Variants in SHISAL2A observed in about 807,000 individuals in gnomAD.
SHISAL2A encodes protein shisa-like-2A.
In SHISAL2A, 18 loss-of-function variants were observed where a neutral mutation model predicts 11.5. The observed-to-expected ratio is 1.57, with a 90% CI of 1.08 to 2.33. The LOEUF (loss-of-function observed/expected upper bound fraction) is 2.33. Ranked by LOEUF, SHISAL2A falls within the 30% of genes most tolerant of loss-of-function variation. The probability of loss-of-function intolerance (pLI) is 0.00; values close to 1 mark genes in which losing one functional copy is unlikely to be tolerated. For synonymous variants in SHISAL2A, 94 were observed against 99.6 expected (o/e 0.94, Z 0.34); for missense variants, 261 against 250.9 (o/e 1.04, Z -0.27).
intron 1 of SHISAL2A, among the ~76,000 whole-genome samples, chr1:52,634,804 C>G (rs1457794972): frequency 3.3e-5 from 5 of 152,162 alleles, no homozygotes; most frequent in Non-Finnish European, 5.9e-5. Flanking sequence ...GAAAACTTCT[C>G]AAGTCTCTGG....
intron 1 of SHISAL2A, among the ~76,000 whole-genome samples, chr1:52,641,894 A>C (rs552290087): frequency 1.3e-5 from 2 of 152,186 alleles, no homozygotes; most frequent in South Asian, 4.1e-4. Flanking sequence ...CTTGAGCTCA[A>C]GAATTTAAGA....
At chr1:52,643,096 T>C in intron 2 of SHISAL2A, 94 bp downstream of exon 2, 2 of 1,271,198 alleles carry the variant, frequency 1.6e-6, no homozygotes, top group Non-Finnish European at 2.2e-6. Context: ...AACATTTGCC[T>C]CATGACTATT....
At chr1:52,651,684 G>A (rs1052231998) in intron 2 of SHISAL2A, among the ~76,000 whole-genome samples, 2 of 152,136 alleles carry the variant, frequency 1.3e-5, no homozygotes, top group Admixed American at 1.3e-4. Flanking sequence ...TATTGCAAAG[G>A]TTTTACAGGG....
At chr1:52,667,422 A>G in exon 5 of SHISAL2A, 2 of 984,198 alleles carry the variant, frequency 2.0e-6, no homozygotes, top group Non-Finnish European at 2.4e-6. Context: ...TCCTGGCAAC[A>G]ACCACAATTG....
At chr1:52,639,718 A>T (rs907989558) in intron 1 of SHISAL2A, among the ~76,000 whole-genome samples, 1 of 152,128 alleles carries the variant, frequency 6.6e-6, no homozygotes, top group Non-Finnish European at 1.5e-5. Flanking sequence ...GCACCACTGC[A>T]CTCCAGCCGG....
chr1:52,668,062 C>A (rs773965007), intron 5 of SHISAL2A, among the ~76,000 whole-genome samples: 2 of 152,138 alleles, frequency 1.3e-5, no homozygotes, highest in Non-Finnish European at 2.9e-5. Context: ...AGAAGAAAGG[C>A]CATGGCAGCA....
At chr1:52,666,838 A>G (rs766991311) in intron 4 of SHISAL2A, among the ~76,000 whole-genome samples, 3 of 152,194 alleles carry the variant, frequency 2.0e-5, no homozygotes, top group African/African-American at 7.2e-5. Context: ...GGCACGGCCA[A>G]AGTCCTGCCA....
chr1:52,650,169 G>A (rs1041117509), intron 2 of SHISAL2A, among the ~76,000 whole-genome samples: 1 of 152,158 alleles, frequency 6.6e-6, no homozygotes, highest in East Asian at 1.9e-4. Context: ...GAGAGGTAAC[G>A]CCGAGGAACC....
At chr1:52,663,071 G>A (rs902785467) in intron 4 of SHISAL2A, among the ~76,000 whole-genome samples, 3 of 152,144 alleles carry the variant, frequency 2.0e-5, no homozygotes, top group South Asian at 2.1e-4. Flanking sequence ...CTTCTCTCCT[G>A]GCTGCTGTAG....
exon 6 of SHISAL2A, chr1:52,668,858 C>T (rs1385404453): frequency 6.6e-6 from 1 of 152,436 alleles, no homozygotes; most frequent in Non-Finnish European, 1.5e-5. Flanking sequence ...CTAACAGCTC[C>T]AGAAGCTGAA....
At chr1:52,664,173 T>A (rs183146319) in intron 4 of SHISAL2A, among the ~76,000 whole-genome samples, 2 of 148,258 alleles carry the variant, frequency 1.3e-5, no homozygotes, top group Admixed American at 1.3e-4. Context: ...TATTTATTTA[T>A]TTTTTAATTT....
chr1:52,638,142 G>C (rs1476530905), intron 1 of SHISAL2A, among the ~76,000 whole-genome samples: 1 of 152,116 alleles, frequency 6.6e-6, no homozygotes, highest in Non-Finnish European at 1.5e-5. Flanking sequence ...CTGTCACCAG[G>C]ACAGACCAGC....
At chr1:52,636,186 A>T (rs1300418430) in intron 1 of SHISAL2A, among the ~76,000 whole-genome samples, 2 of 116,228 alleles carry the variant, frequency 1.7e-5, no homozygotes, top group Non-Finnish European at 3.6e-5. Flanking sequence ...TTTTCTCTCA[A>T]CTTTAAAATG....
intron 1 of SHISAL2A, among the ~76,000 whole-genome samples, chr1:52,634,047 T>C (rs1049682257): frequency 2.0e-5 from 3 of 151,638 alleles, no homozygotes; most frequent in Non-Finnish European, 4.4e-5. Flanking sequence ...TCCACCCCAA[T>C]CATCATCCCA....
intron 4 of SHISAL2A, among the ~76,000 whole-genome samples, chr1:52,665,220 T>C (rs1350583970): frequency 2.0e-5 from 3 of 152,244 alleles, no homozygotes; most frequent in East Asian, 3.8e-4. Context: ...GCTCCAATTG[T>C]CAGACTGTTC....
At chr1:52,635,239 C>CA (rs1014085281) in intron 1 of SHISAL2A, among the ~76,000 whole-genome samples, 2 of 152,058 alleles carry the variant, frequency 1.3e-5, no homozygotes, top group Non-Finnish European at 2.9e-5. Flanking sequence ...GCTTGCTGCC[C>CA]AAAAAAACCA....
downstream of SHISAL2A, among the ~76,000 whole-genome samples, chr1:52,660,324 C>A (rs542947389): frequency 9.2e-5 from 14 of 152,138 alleles, 1 homozygote; most frequent in East Asian, 2.3e-3. Flanking sequence ...TCCCTGCCCC[C>A]CAACAGCTCC....
rs572916515 is a variant in SHISAL2A at position 52,640,010 on chromosome 1, G to A, written c.183-2853G>A. Reference sequence around the variant, plus strand: ...TCACCATGTTGCCCAGGCTGGTCTTGAATTCCTGGACTCAAGTGATCGGCC... The same window carrying A: ...TCACCATGTTGCCCAGGCTGGTCTTAAATTCCTGGACTCAAGTGATCGGCC... On this transcript the variant is annotated intron_variant, in intron 1 of 2. Coordinates refer to ENST00000517870, the MANE Select transcript of SHISAL2A (RefSeq NM_001042693.3). 5 of 152,238 alleles carry A rather than the reference G, an allele frequency of 3.3e-5. No individual in the cohort carries two copies. The East Asian group carries it at 9.7e-4, about 30-fold the overall frequency. 9.4% of individuals were successfully genotyped at this position (152,238 alleles called of 1,614,324 possible). A position where few individuals can be genotyped will look rare whatever the true frequency, so the allele number is the denominator to read the frequency against.
chr1:52,654,758 AG>A (rs1248321981), intron 2 of SHISAL2A, among the ~76,000 whole-genome samples: 1 of 152,264 alleles, frequency 6.6e-6, no homozygotes, highest in Non-Finnish European at 1.5e-5. Context: ...AGACATCAAA[AG>A]CACAATACAT....
Sources: gnomAD v4.1 joint callset for allele counts (sites outside exome capture counted in the v4.1 genomes callset) on GRCh38, gnomAD v4.1.1 for gene constraint, MANE v1.5 for transcripts, NCBI Gene and HGNC (gene_info 2026-07-23, HGNC 2026-07-21) for gene names.